Variants in ZFYVE1 observed in about 807,000 individuals in gnomAD.
ZFYVE1 encodes the protein zinc finger FYVE domain-containing protein 1.
A neutral mutation model predicts 74.4 loss-of-function variants in ZFYVE1; 30 were observed. That is an observed-to-expected ratio of 0.40 (90% CI 0.30 to 0.55). ZFYVE1 has a LOEUF of 0.55. Among genes scored for constraint, ZFYVE1 ranks in the 20% least tolerant of loss-of-function variants. The pLI, the probability that ZFYVE1 is intolerant of heterozygous loss-of-function variation, is 0.42. For missense variants in ZFYVE1, 703 were observed against 1,011.6 expected (o/e 0.69, Z 4.14); for synonymous variants, 335 against 385.1 (o/e 0.87, Z 1.52).
rs1218640589 is a variant in ZFYVE1 at position 73,023,358 on chromosome 14, TA to T, written c.483+667del. Among the ~76,000 whole-genome samples the T allele has an allele frequency of 6.2e-4, 32 of 51,320 alleles. 2 individuals are homozygous for T. The highest frequency in any genetic ancestry group is 2.3e-3 in the African/African-American group (30 of 13,016). 33.7% of individuals were successfully genotyped at this position (51,320 alleles called of 152,430 possible). On this transcript the variant is annotated intron_variant, in intron 2 of 11. Coordinates refer to ENST00000556143, the MANE Select transcript of ZFYVE1 (RefSeq NM_021260.4). ...TATATGTTTTATATATAATATATAT[TA>T]TATATGTTTTATATATAATATATAT...
At chr14:73,011,694 G>T (rs1894094733) in intron 2 of ZFYVE1, among the ~76,000 whole-genome samples, 1 of 150,012 alleles carries the variant, frequency 6.7e-6, no homozygotes, top group Non-Finnish European at 1.5e-5. Context: ...TAATTTTTTT[G>T]TATTTTTAGT....
At chr14:73,026,856 C>T (rs1409816359) in intron 1 of ZFYVE1, 70 bp downstream of exon 1, 2 of 358,364 alleles carry the variant, frequency 5.6e-6, no homozygotes, top group Non-Finnish European at 1.0e-5. Flanking sequence ...AGCCCCAGGA[C>T]GATCACTCGC....
intron 3 of ZFYVE1, among the ~76,000 whole-genome samples, chr14:72,996,686 T>C (rs1325208537): frequency 6.6e-6 from 1 of 152,186 alleles, no homozygotes; most frequent in Non-Finnish European, 1.5e-5. Context: ...TCTTCTTTCC[T>C]AGATTCCATA....
At position 73,022,247 on chromosome 14, in the gene ZFYVE1, G is replaced by T. The variant is rs1257526645; in HGVS notation, c.483+1779C>A. The stretch of plus-strand genomic sequence containing the variant: ...TCTCAAACCAATAAAGAAAATCTGT[G>T]TTAGCAAAGTATTAACATGACAATG... On this transcript the variant is annotated intron_variant, in intron 2 of 11. Coordinates refer to ENST00000556143, the MANE Select transcript of ZFYVE1 (RefSeq NM_021260.4). Among the ~76,000 whole-genome samples the T allele has an allele frequency of 5.9e-5, 9 of 152,168 alleles. No individual in the cohort carries two copies. The South Asian group carries it at 1.7e-3, about 28-fold the overall frequency.
intron 2 of ZFYVE1, among the ~76,000 whole-genome samples, chr14:73,013,850 T>C (rs936190354): frequency 2.6e-5 from 4 of 152,156 alleles, no homozygotes; most frequent in African/African-American, 9.7e-5. Flanking sequence ...CAGATAGAAA[T>C]GATCTCATGA....
At position 73,022,960 on chromosome 14, in the gene ZFYVE1, C is replaced by T. The variant is rs141414745; in HGVS notation, c.483+1066G>A. Among the ~76,000 whole-genome samples, 11 of 151,752 alleles carry T rather than the reference C, an allele frequency of 7.2e-5. No homozygotes were observed. The Admixed American group carries it at 7.3e-4, about 10-fold the overall frequency. Reference sequence around the variant, plus strand: ...GGTGGATCACTTGAGGTCAGGAGTTCAAGATCAACCTGGCCAACATGGTGA... The same window carrying T: ...GGTGGATCACTTGAGGTCAGGAGTTTAAGATCAACCTGGCCAACATGGTGA... On this transcript the variant is annotated intron_variant, in intron 2 of 11. Transcript: ENST00000556143.
In ZFYVE1 at chr14:72,978,061, TC is replaced by T. The variant is rs779294741; in HGVS notation, c.1518-18del. The T allele has an allele frequency of 1.2e-5, 20 of 1,613,946 alleles. No individual in the cohort carries two copies. The South Asian group carries it at 1.9e-4, about 15-fold the overall frequency. The stretch of plus-strand genomic sequence containing the variant: ...ATCACATACCTACAAGGAAAGCAAA[TC>T]AATACTGTTACCCAGCCAGGTGCCT... On this transcript the variant is annotated intron_variant, in intron 7 of 11. Transcript: ENST00000556143.
In ZFYVE1 at chr14:73,024,576, AAG is replaced by A; in HGVS notation, c.-70_-69del. 8 of 1,517,468 alleles carry A rather than the reference AAG, an allele frequency of 5.3e-6. No homozygotes were observed. The highest frequency in any genetic ancestry group is 6.2e-6 in the Non-Finnish European group (7 of 1,133,988). 94.0% of individuals were successfully genotyped at this position (1,517,468 alleles called of 1,614,324 possible). On this transcript the variant is annotated 5_prime_UTR_variant, in exon 2 of 12. Transcript: ENST00000556143. ...TGAGCTTGCCCCGGGGGTGAAGACG[AAG>A]ATTTGAGTCTGAAGACTGCACGAAA...
intron 2 of ZFYVE1, among the ~76,000 whole-genome samples, chr14:73,011,548 C>A (rs1894091947): frequency 6.6e-6 from 1 of 151,442 alleles, no homozygotes; most frequent in Non-Finnish European, 1.5e-5. Flanking sequence ...GAGATGGAGT[C>A]TTGCTCTGTC....
chr14:72,994,322 C>CAAAAAAA (rs71109776), intron 3 of ZFYVE1, among the ~76,000 whole-genome samples: 684 of 31,118 alleles, frequency 0.022, 98 homozygotes, highest in African/African-American at 0.025. Context: ...GACGCTGTCT[C>CAAAAAAA]AAAAAAAAAA....
chr14:72,997,554 G>A (rs1459377473), intron 3 of ZFYVE1, among the ~76,000 whole-genome samples: 2 of 152,046 alleles, frequency 1.3e-5, no homozygotes, highest in African/African-American at 4.8e-5. Flanking sequence ...CACCATCTCA[G>A]GGAACAGGTC....
chr14:73,004,832 T>A (rs1388470544), intron 2 of ZFYVE1, among the ~76,000 whole-genome samples: 1 of 151,972 alleles, frequency 6.6e-6, no homozygotes, highest in African/African-American at 2.4e-5. Context: ...ACCCTATCTC[T>A]ACTAAAAATA....
intron 6 of ZFYVE1, among the ~76,000 whole-genome samples, chr14:72,978,566 CAAAAAAAAAAAAA>C (rs58858186): frequency 0.31 from 15,991 of 51,702 alleles, 1,202 homozygotes; most frequent in South Asian, 0.47. Context: ...GACTCTGTCT[CAAAAAAAAAAAAA>C]AAAAAAAAAA....
intron 4 of ZFYVE1, among the ~76,000 whole-genome samples, chr14:72,986,566 T>TA (rs1381981255): frequency 2.0e-5 from 3 of 149,960 alleles, no homozygotes; most frequent in Non-Finnish European, 3.0e-5. Flanking sequence ...GCTTTTCCTT[T>TA]TTTTTTTTTT....
At chr14:73,000,399 T>C (rs1362200473) in intron 2 of ZFYVE1, among the ~76,000 whole-genome samples, 3 of 151,870 alleles carry the variant, frequency 2.0e-5, no homozygotes, top group South Asian at 4.1e-4. Context: ...GCCAGGAGTT[T>C]GAGACCAGCC....
At chr14:73,022,287 T>C (rs1380937024) in intron 2 of ZFYVE1, among the ~76,000 whole-genome samples, 2 of 152,158 alleles carry the variant, frequency 1.3e-5, no homozygotes, top group African/African-American at 4.8e-5. Flanking sequence ...TATACAGGAA[T>C]CATGATGTAA....
intron 11 of ZFYVE1, among the ~76,000 whole-genome samples, chr14:72,972,351 A>G (rs1246959234): frequency 6.6e-6 from 1 of 152,210 alleles, no homozygotes; most frequent in Non-Finnish European, 1.5e-5. Flanking sequence ...GGGCGCTCAG[A>G]ATGGGAGCAC....
At chr14:73,023,295 AAT>A (rs1257621648) in intron 2 of ZFYVE1, among the ~76,000 whole-genome samples, 1 of 119,182 alleles carries the variant, frequency 8.4e-6, no homozygotes, top group Non-Finnish European at 1.7e-5. Flanking sequence ...TTTTATATAT[AAT>A]ATATATTATA....
chr14:73,017,717 T>C (rs966059615), intron 2 of ZFYVE1, among the ~76,000 whole-genome samples: 10 of 149,222 alleles, frequency 6.7e-5, no homozygotes, highest in Admixed American at 6.0e-4. Context: ...CATTTCCCCA[T>C]CTCAGTAACA....
Sources: gnomAD v4.1 joint callset for allele counts (sites outside exome capture counted in the v4.1 genomes callset) on GRCh38, gnomAD v4.1.1 for gene constraint, MANE v1.5 for transcripts, NCBI Gene and HGNC (gene_info 2026-07-23, HGNC 2026-07-21) for gene names.